WWC1: variants seen among roughly 807,000 people sequenced by gnomAD.
The protein encoded by WWC1 is protein KIBRA.
In WWC1, 55 loss-of-function variants were observed where a neutral mutation model predicts 138.4. The ratio of observed to expected loss-of-function variants is 0.40; its 90% CI spans 0.32 to 0.50. The LOEUF (loss-of-function observed/expected upper bound fraction) is 0.50, where lower values mean the gene tolerates loss of function less well. Ranked by LOEUF, WWC1 falls within the 20% of genes least tolerant of loss-of-function variation. The pLI, the probability that WWC1 is intolerant of heterozygous loss-of-function variation, is 0.72. For missense variants in WWC1, 1,226 were observed against 1,420.4 expected (o/e 0.86, Z 2.20); for synonymous variants, 524 against 564.9 (o/e 0.93, Z 1.03).
intron 1 of WWC1, among the ~76,000 whole-genome samples, chr5:168,297,264 A>G (rs977134161): frequency 2.0e-5 from 3 of 152,196 alleles, no homozygotes; most frequent in African/African-American, 4.8e-5. Context: ...GATGCTGCAT[A>G]TCTACCCAAT....
rs552430567 is a variant in WWC1, at chr5:168,465,451, G to A, written c.3150+489G>A. On this transcript the variant is annotated intron_variant, in intron 21 of 22. Transcript: ENST00000265293. ...GGAGTACAAGTCGGCTGGCACCTCT[G>A]CCCTGCTATAATGAGTTTAAGGGAT... 3.7e-3 allele frequency among the ~76,000 whole-genome samples: 534 copies of A among 142,680 alleles called. 3 individuals carry two copies. The highest frequency in any genetic ancestry group is 0.014 in the African/African-American group (520 of 36,580). 93.6% of individuals were successfully genotyped at this position (142,680 alleles called of 152,430 possible).
At chr5:168,311,783 A>G (rs932398889) in intron 1 of WWC1, among the ~76,000 whole-genome samples, 1 of 152,124 alleles carries the variant, frequency 6.6e-6, no homozygotes, top group East Asian at 1.9e-4. Context: ...AGACTGAGGC[A>G]GGAGAATTGC....
chr5:168,376,967 G>A (rs1182892062), intron 2 of WWC1, among the ~76,000 whole-genome samples: 5 of 151,978 alleles, frequency 3.3e-5, no homozygotes, highest in East Asian at 1.9e-4. Context: ...GAGTCCAAAC[G>A]GCCAAAGCAA....
At chr5:168,377,691 C>T (rs1370089771) in intron 2 of WWC1, among the ~76,000 whole-genome samples, 2 of 152,136 alleles carry the variant, frequency 1.3e-5, no homozygotes, top group African/African-American at 2.4e-5. Flanking sequence ...GCTCCACATC[C>T]GTGATCATCA....
Position 168,410,186 on chromosome 5 carries a change from A to T in WWC1, c.941+191A>T, listed in dbSNP as rs542098377. On this transcript the variant is annotated intron_variant, in intron 8 of 22. Coordinates refer to ENST00000265293, the MANE Select transcript of WWC1 (RefSeq NM_015238.3). The stretch of plus-strand genomic sequence containing the variant: ...AGAGAGGAAATGACTCACCCAGGAC[A>T]CTTCACAAGACAGAGAGTGAAACTA... 6.6e-4 allele frequency: 399 copies of T among 602,922 alleles called. 12 individuals are homozygous for T. In the South Asian group the frequency reaches 7.3e-3, roughly 11 times the overall value. 37.3% of individuals were successfully genotyped at this position (602,922 alleles called of 1,614,324 possible).
At chr5:168,316,358 C>T (rs1473264873) in intron 1 of WWC1, among the ~76,000 whole-genome samples, 2 of 152,182 alleles carry the variant, frequency 1.3e-5, no homozygotes, top group Non-Finnish European at 2.9e-5. Flanking sequence ...TTATTCTTAA[C>T]AAGCTGAGCA....
chr5:168,347,150 T>C (rs1238409363), intron 1 of WWC1, among the ~76,000 whole-genome samples: 2 of 152,214 alleles, frequency 1.3e-5, no homozygotes, highest in Non-Finnish European at 2.9e-5. Flanking sequence ...CCCAGCCGAC[T>C]GAGTGACAAG....
chr5:168,303,130 G>A (rs192623368), intron 1 of WWC1, among the ~76,000 whole-genome samples: 5 of 152,144 alleles, frequency 3.3e-5, no homozygotes, highest in African/African-American at 4.8e-5. Context: ...GAAGACAAAC[G>A]AAGTAACTTC....
At chr5:168,400,484 A>G (rs983295722) in intron 5 of WWC1, among the ~76,000 whole-genome samples, 1 of 152,180 alleles carries the variant, frequency 6.6e-6, no homozygotes, top group Non-Finnish European at 1.5e-5. Flanking sequence ...TTGTGACGAT[A>G]TTAGCTAAGC....
chr5:168,464,046 C>G (rs2152894434), intron 20 of WWC1, among the ~76,000 whole-genome samples: 1 of 152,266 alleles, frequency 6.6e-6, no homozygotes, highest in African/African-American at 2.4e-5. Flanking sequence ...CACTGAGATG[C>G]AGACTGGCCA....
chr5:168,448,504 T>C (rs950188016), intron 17 of WWC1, among the ~76,000 whole-genome samples: 1 of 152,166 alleles, frequency 6.6e-6, no homozygotes, highest in Non-Finnish European at 1.5e-5. Flanking sequence ...TGTATTTGCC[T>C]CCTTGGGAAC....
At chr5:168,339,913 CTCTCTCTCTCTTTCTCTCTT>C (rs1773868114) in intron 1 of WWC1, among the ~76,000 whole-genome samples, 8 of 140,716 alleles carry the variant, frequency 5.7e-5, no homozygotes, top group African/African-American at 2.4e-4. Context: ...CTCTTTCTCT[CTCTCTCTCTCTTTCTCTCTT>C]TCTCTCTCTC....
At chr5:168,307,276 C>G (rs1561588949) in intron 1 of WWC1, among the ~76,000 whole-genome samples, 1 of 152,212 alleles carries the variant, frequency 6.6e-6, no homozygotes, top group Non-Finnish European at 1.5e-5. Flanking sequence ...TGTCTGCCCC[C>G]ACAGATGCAT....
chr5:168,347,952 G>T (rs1321358724), intron 1 of WWC1, among the ~76,000 whole-genome samples: 1 of 152,216 alleles, frequency 6.6e-6, no homozygotes, highest in African/African-American at 2.4e-5. Context: ...TATCAAGCTG[G>T]GATCTGCCCT....
At chr5:168,318,825 G>A (rs565366934) in intron 1 of WWC1, among the ~76,000 whole-genome samples, 1 of 152,200 alleles carries the variant, frequency 6.6e-6, no homozygotes, top group East Asian at 1.9e-4. Flanking sequence ...CTCCCAAAGT[G>A]CTGGGATTAC....
At chr5:168,306,325 G>A (rs1019633674) in intron 1 of WWC1, among the ~76,000 whole-genome samples, 2 of 152,198 alleles carry the variant, frequency 1.3e-5, no homozygotes, top group African/African-American at 4.8e-5. Flanking sequence ...GAACCCAGGA[G>A]GCAGAGGTTG....
At chr5:168,357,385 G>A (rs1435183454) in intron 1 of WWC1, among the ~76,000 whole-genome samples, 3 of 150,888 alleles carry the variant, frequency 2.0e-5, no homozygotes, top group Non-Finnish European at 4.4e-5. Context: ...GGAGCTCAAA[G>A]CGTCTGCCAA....
chr5:168,375,124 G>A (rs552531982), intron 2 of WWC1, among the ~76,000 whole-genome samples: 9 of 152,224 alleles, frequency 5.9e-5, no homozygotes, highest in Non-Finnish European at 1.2e-4. Context: ...TTAGGAGAGA[G>A]GTCTGGGCTG....
chr5:168,359,610 T>A (rs1040775526), intron 1 of WWC1, among the ~76,000 whole-genome samples: 4 of 152,244 alleles, frequency 2.6e-5, no homozygotes, highest in African/African-American at 9.6e-5. Context: ...AATTAAACTA[T>A]GTCCCAATGT....
Sources: gnomAD v4.1 joint callset for allele counts (sites outside exome capture counted in the v4.1 genomes callset) on GRCh38, gnomAD v4.1.1 for gene constraint, MANE v1.5 for transcripts, NCBI Gene and HGNC (gene_info 2026-07-23, HGNC 2026-07-21) for gene names.